TOX2: variants seen among roughly 807,000 people sequenced by gnomAD.
TOX2 encodes TOX high mobility group box family member 2, also known as granulosa cell HMG box 1.
In TOX2, 15 loss-of-function variants were observed where a neutral mutation model predicts 47.4. The ratio of observed to expected loss-of-function variants is 0.32; its 90% CI spans 0.21 to 0.49. The LOEUF (loss-of-function observed/expected upper bound fraction) is 0.49, where lower values mean the gene tolerates loss of function less well. Among genes scored for constraint, TOX2 ranks in the 20% least tolerant of loss-of-function variants. The pLI is 0.99. For missense variants in TOX2, 622 were observed against 673.1 expected, an observed-to-expected ratio of 0.92 and a Z score of 0.84; for synonymous variants, 290 against 296.6, an observed-to-expected ratio of 0.98 and a Z score of 0.23.
intron 4 of TOX2, among the ~76,000 whole-genome samples, chr20:44,053,475 T>C (rs1340753256): frequency 3.3e-4 from 46 of 138,038 alleles, no homozygotes; most frequent in African/African-American, 8.8e-4. Flanking sequence ...CACACACATA[T>C]ATATATACAC....
At chr20:43,960,820 G>A (rs2069745807) in intron 1 of TOX2, among the ~76,000 whole-genome samples, 1 of 152,206 alleles carries the variant, frequency 6.6e-6, no homozygotes, top group South Asian at 2.1e-4. Flanking sequence ...TCACCTCCAT[G>A]ACTCCTGGTG....
intron 2 of TOX2, among the ~76,000 whole-genome samples, chr20:43,979,951 T>C (rs973580284): frequency 6.6e-6 from 1 of 152,220 alleles, no homozygotes; most frequent in Non-Finnish European, 1.5e-5. Context: ...GTATAACTAC[T>C]GTGGAGAACA....
At chr20:44,011,722 A>G (rs1050384474) in intron 3 of TOX2, among the ~76,000 whole-genome samples, 3 of 152,200 alleles carry the variant, frequency 2.0e-5, no homozygotes, top group African/African-American at 7.2e-5. Context: ...ATCGAGATAC[A>G]CTGAGGATGT....
At chr20:44,037,833 G>C (rs1023602626) in intron 3 of TOX2, among the ~76,000 whole-genome samples, 7 of 152,162 alleles carry the variant, frequency 4.6e-5, no homozygotes, top group Non-Finnish European at 1.0e-4. Context: ...CCAGTAACGG[G>C]GCGATGCTAC....
intron 1 of TOX2, among the ~76,000 whole-genome samples, chr20:43,961,296 T>G (rs2069753513): frequency 6.6e-6 from 1 of 151,842 alleles, no homozygotes; most frequent in African/African-American, 2.4e-5. Flanking sequence ...GAGAGTGTGA[T>G]CTGGGCAGGG....
chr20:43,974,902 T>C lies in TOX2; in HGVS notation c.165+1470T>C, dbSNP rs566291715. 1.4e-4 allele frequency among the ~76,000 whole-genome samples: 22 copies of C among 152,364 alleles called. No individual in the cohort carries two copies. The East Asian group carries it at 4.2e-3, about 29-fold the overall frequency. On this transcript the variant is annotated intron_variant, in intron 2 of 8. Transcript: ENST00000341197. ...TCTCTGGCCTGTCCCTGTGTGAGCA[T>C]AATGCTGCTGCTGCAAAGCTGCCTT...
chr20:44,033,714 C>T (rs2071193405), intron 3 of TOX2, among the ~76,000 whole-genome samples: 1 of 152,160 alleles, frequency 6.6e-6, no homozygotes, highest in Non-Finnish European at 1.5e-5. Context: ...AAATGCTTCT[C>T]CCCTGGAGCC....
chr20:44,054,646 T>A, intron 5 of TOX2, 120 bp downstream of exon 5: 1 of 1,109,716 alleles, frequency 9.0e-7, no homozygotes, highest in South Asian at 1.4e-5. Flanking sequence ...ACAGAGGTCT[T>A]TCCTGGGCTC....
chr20:43,921,271 G>T (rs1170596023), intron 1 of TOX2, among the ~76,000 whole-genome samples: 1 of 152,216 alleles, frequency 6.6e-6, no homozygotes, highest in South Asian at 2.1e-4. Context: ...CCCCTGCTGT[G>T]TGGCTCCTTG....
At chr20:44,057,736 A>C (rs188901560) in intron 5 of TOX2, among the ~76,000 whole-genome samples, 2 of 152,210 alleles carry the variant, frequency 1.3e-5, no homozygotes. Flanking sequence ...CATTTATTCA[A>C]CTTATGATTC....
chr20:44,048,356 C>A, intron 3 of TOX2, among the ~76,000 whole-genome samples: 1 of 133,166 alleles, frequency 7.5e-6, no homozygotes, highest in Admixed American at 7.8e-5. Flanking sequence ...CAGTTATATG[C>A]TAGTACATGT....
chr20:43,965,780 G>A (rs2145444634), intron 1 of TOX2, among the ~76,000 whole-genome samples: 1 of 152,300 alleles, frequency 6.6e-6, no homozygotes, highest in Non-Finnish European at 1.5e-5. Flanking sequence ...TAGAAGACAT[G>A]GGAGGGACAG....
rs542845565 is a variant in TOX2 at position 43,917,317 on chromosome 20, G to T, written c.99+2327G>T. On this transcript the variant is annotated intron_variant, in intron 1 of 8. Transcript: ENST00000341197. ...ACTCCCCTTTTCTGGCTCAAGAAGT[G>T]GATGGGGAGGGGTTGGGGAGGGAAA... 1.1e-4 allele frequency among the ~76,000 whole-genome samples: 17 copies of T among 152,278 alleles called. No individual in the cohort carries two copies. The South Asian group carries it at 3.5e-3, about 32-fold the overall frequency.
rs74709630 is a variant in TOX2, at chr20:43,944,739, C to G, written c.100-28628C>G. On this transcript the variant is annotated intron_variant, in intron 1 of 8. Coordinates refer to ENST00000341197, the MANE Select transcript of TOX2 (RefSeq NM_001098797.2). ...CAGCTCTGTGGTGCTTCCTCAGCAG[C>G]CTTTGCTGCTACTGAAATGTCCAAA... 6.3e-3 allele frequency among the ~76,000 whole-genome samples: 966 copies of G among 152,290 alleles called. 15 individuals are homozygous for G. Among genetic ancestry groups the G allele is most frequent in the South Asian group, 0.055 (265 of 4,822 alleles).
intron 5 of TOX2, among the ~76,000 whole-genome samples, chr20:44,057,886 C>A (rs1477250287): frequency 2.0e-5 from 3 of 149,538 alleles, no homozygotes; most frequent in Non-Finnish European, 2.9e-5. Context: ...TCAGCTGGAG[C>A]AGTGGAGCCA....
chr20:43,946,329 C>G (rs2069469982), intron 1 of TOX2, among the ~76,000 whole-genome samples: 1 of 151,720 alleles, frequency 6.6e-6, no homozygotes, highest in Admixed American at 6.6e-5. Flanking sequence ...TTCAGCACAC[C>G]CTGCAGTAGG....
At chr20:44,052,808 C>T (rs1441659093) in intron 4 of TOX2, among the ~76,000 whole-genome samples, 1 of 152,190 alleles carries the variant, frequency 6.6e-6, no homozygotes, top group Non-Finnish European at 1.5e-5. Context: ...CAGGAGGCTG[C>T]AGGTGCAGTC....
intron 1 of TOX2, among the ~76,000 whole-genome samples, chr20:43,968,545 C>T (rs898720103): frequency 6.6e-6 from 1 of 152,088 alleles, no homozygotes; most frequent in Non-Finnish European, 1.5e-5. Flanking sequence ...GAGACAGATG[C>T]CTTAGAAGCC....
At chr20:44,056,867 ATTTATACATATG>A (rs1374724782) in intron 5 of TOX2, among the ~76,000 whole-genome samples, 2 of 152,316 alleles carry the variant, frequency 1.3e-5, no homozygotes, top group African/African-American at 4.8e-5. Context: ...TTATACACAT[ATTTATACATATG>A]TATCTTTTAC....
Sources: allele counts gnomAD v4.1 joint callset (sites outside exome capture counted in the v4.1 genomes callset), GRCh38; gene constraint gnomAD v4.1.1; transcripts MANE v1.5; gene names NCBI Gene and HGNC (gene_info 2026-07-23, HGNC 2026-07-21).